The following XKR4 variants were observed in gnomAD, a reference collection of about 807,000 sequenced individuals.
The protein encoded by XKR4 is XK related 4, also known as XK-related protein 4.
Under a neutral mutation model 53.9 loss-of-function variants are expected in XKR4, and 12 were observed. The ratio of observed to expected loss-of-function variants is 0.22; its 90% confidence interval spans 0.14 to 0.36. The LOEUF (loss-of-function observed/expected upper bound fraction) is 0.36, where lower values mean the gene tolerates loss of function less well. Among genes scored for constraint, XKR4 ranks in the 10% least tolerant of loss-of-function variants. XKR4 has a pLI of 1.00. For missense variants in XKR4, 799 were observed against 859.5 expected, an observed-to-expected ratio of 0.93 and a Z score of 0.88; for synonymous variants, 354 against 362.4, an observed-to-expected ratio of 0.98 and a Z score of 0.26.
intron 1 of XKR4, among the ~76,000 whole-genome samples, chr8:55,320,721 T>C (rs944347173): frequency 5.9e-5 from 9 of 152,152 alleles, no homozygotes; most frequent in Non-Finnish European, 8.8e-5. Context: ...GTATAACAGA[T>C]ACCAAATCAT....
intron 1 of XKR4, among the ~76,000 whole-genome samples, chr8:55,245,430 G>A (rs1457498345): frequency 2.0e-5 from 3 of 151,982 alleles, no homozygotes; most frequent in African/African-American, 7.2e-5. Context: ...AATATAATAT[G>A]TATATTTAAA....
chr8:55,192,401 G>A (rs184400401), intron 1 of XKR4, among the ~76,000 whole-genome samples: 18 of 152,028 alleles, frequency 1.2e-4, no homozygotes, highest in African/African-American at 4.1e-4. Context: ...TTGAATGATT[G>A]GGAGTTGCAC....
In XKR4 at chr8:55,541,418, C is replaced by A. The variant is rs564373710; in HGVS notation, c.*17191C>A. The A allele has an allele frequency of 7.3e-5, 11 of 150,160 alleles. No homozygotes were observed. The highest frequency in any genetic ancestry group is 1.5e-4 in the Non-Finnish European group (10 of 67,036). The allele number at this position is 150,160 out of a possible 1,614,324, so 9.3% of individuals were successfully genotyped here. On this transcript the variant is annotated 3_prime_UTR_variant, in exon 3 of 3. Transcript: ENST00000327381. ...TTTTTGTTTTGTTTTAAATCTATCT[C>A]TGAAAAAAAAATGGAACAGGTGGCA...
At chr8:55,486,512 C>T (rs1274297179) in intron 2 of XKR4, among the ~76,000 whole-genome samples, 1 of 152,174 alleles carries the variant, frequency 6.6e-6, no homozygotes, top group Non-Finnish European at 1.5e-5. Context: ...ACAATTATAC[C>T]TCCAGCATCA....
chr8:55,254,047 C>T (rs1818399670), intron 1 of XKR4, among the ~76,000 whole-genome samples: 1 of 151,958 alleles, frequency 6.6e-6, no homozygotes, highest in African/African-American at 2.4e-5. Context: ...TACACCTTGC[C>T]TCTCCTCTCT....
At chr8:55,209,203 ATGTGTGTG>A (rs77094773) in intron 1 of XKR4, among the ~76,000 whole-genome samples, 3 of 149,300 alleles carry the variant, frequency 2.0e-5, no homozygotes, top group Non-Finnish European at 4.4e-5. Flanking sequence ...CAGTGTGTTT[ATGTGTGTG>A]TGTGTGTGTG....
At chr8:55,323,091 T>C (rs151126204) in intron 1 of XKR4, among the ~76,000 whole-genome samples, 245 of 152,364 alleles carry the variant, frequency 1.6e-3, no homozygotes, top group African/African-American at 5.6e-3. Flanking sequence ...CTTGCTAAAA[T>C]ACTTTAAATC....
intron 1 of XKR4, among the ~76,000 whole-genome samples, chr8:55,281,537 A>T (rs1056038207): frequency 1.3e-5 from 2 of 152,232 alleles, no homozygotes; most frequent in African/African-American, 2.4e-5. Flanking sequence ...AGAAACATGC[A>T]TGCCACTCAC....
Position 55,124,115 on chromosome 8 carries a change from C to A in XKR4, c.806+20821C>A, listed in dbSNP as rs902633527. Among the ~76,000 whole-genome samples the A allele has an allele frequency of 2.6e-5, 4 of 152,314 alleles. 1 individual carries two copies. The South Asian group carries it at 8.3e-4, about 32-fold the overall frequency. On this transcript the variant is annotated intron_variant, in intron 1 of 2. Coordinates refer to ENST00000327381, the MANE Select transcript of XKR4 (RefSeq NM_052898.2). ...TCAAAGCTGTCATCTTAACACCATGCAGATTTACAAATGCCTCCCCTAACT... is the reference window on the plus strand; with the variant it reads ...TCAAAGCTGTCATCTTAACACCATGAAGATTTACAAATGCCTCCCCTAACT...
intron 2 of XKR4, among the ~76,000 whole-genome samples, chr8:55,473,029 C>T (rs1012523854): frequency 2.6e-5 from 4 of 152,058 alleles, no homozygotes; most frequent in Admixed American, 2.6e-4. Flanking sequence ...TCCATTGGTC[C>T]TGGACAATGA....
chr8:55,280,381 G>C (rs1043490040), intron 1 of XKR4, among the ~76,000 whole-genome samples: 1 of 152,156 alleles, frequency 6.6e-6, no homozygotes, highest in East Asian at 1.9e-4. Flanking sequence ...GGTTAACTCA[G>C]GTTGTGCTGT....
intron 1 of XKR4, among the ~76,000 whole-genome samples, chr8:55,108,299 T>A (rs1816183358): frequency 6.6e-6 from 1 of 152,086 alleles, no homozygotes. Context: ...GGCCAGATAA[T>A]GAAAGGAATT....
chr8:55,224,579 T>G (rs1437353301), intron 1 of XKR4, among the ~76,000 whole-genome samples: 5 of 152,186 alleles, frequency 3.3e-5, no homozygotes, highest in Admixed American at 1.3e-4. Flanking sequence ...GTGTGCTGTA[T>G]GGAACTTTAA....
chr8:55,458,426 G>A (rs765153058), intron 2 of XKR4, among the ~76,000 whole-genome samples: 5 of 152,214 alleles, frequency 3.3e-5, no homozygotes, highest in Non-Finnish European at 7.3e-5. Flanking sequence ...GACCCCTGGA[G>A]TTACAGTATG....
Position 55,274,059 on chromosome 8 carries a change from G to T in XKR4, c.807-83619G>T, listed in dbSNP as rs574898436. 3.9e-5 allele frequency among the ~76,000 whole-genome samples: 6 copies of T among 152,296 alleles called. No homozygotes were observed. In the East Asian group the frequency reaches 1.2e-3, roughly 29 times the overall value. On this transcript the variant is annotated intron_variant, in intron 1 of 2. Transcript: ENST00000327381. ...TTTCATTCACTGTCTTCATGCATAA[G>T]ATCTTCAGCAAACTGAAATCAGGGC... is the stretch of plus-strand genomic sequence containing the variant.
At chr8:55,514,700 CT>C (rs1212657984) in intron 2 of XKR4, among the ~76,000 whole-genome samples, 1 of 151,322 alleles carries the variant, frequency 6.6e-6, no homozygotes, top group African/African-American at 2.4e-5. Flanking sequence ...CATTCAGTGT[CT>C]TTTTTTTTAA....
At chr8:55,463,966 A>T (rs1273257239) in intron 2 of XKR4, among the ~76,000 whole-genome samples, 11 of 152,182 alleles carry the variant, frequency 7.2e-5, no homozygotes, top group Admixed American at 5.9e-4. Flanking sequence ...ACAGGCTCTG[A>T]AATTGAGGCA....
chr8:55,363,290 T>C (rs1803929137), intron 2 of XKR4, among the ~76,000 whole-genome samples: 1 of 152,160 alleles, frequency 6.6e-6, no homozygotes, highest in Admixed American at 6.5e-5. Context: ...CACCGACTTC[T>C]CATTCCTTCA....
intron 1 of XKR4, among the ~76,000 whole-genome samples, chr8:55,332,484 T>C (rs552783952): frequency 1.3e-5 from 2 of 152,180 alleles, no homozygotes; most frequent in East Asian, 3.9e-4. Context: ...GTAGGACATA[T>C]CTAGTTGCAA....
Sources: allele counts gnomAD v4.1 joint callset (sites outside exome capture counted in the v4.1 genomes callset), GRCh38; gene constraint gnomAD v4.1.1; transcripts MANE v1.5; gene names NCBI Gene and HGNC (gene_info 2026-07-23, HGNC 2026-07-21).